The following CDH23 variants were observed in gnomAD, a reference collection of about 807,000 sequenced individuals.
CDH23 encodes the protein cadherin related 23, also known as cadherin-23.
A neutral mutation model predicts 317.1 loss-of-function variants in CDH23; 189 were observed. The ratio of observed to expected loss-of-function variants is 0.60; its 90% CI spans 0.53 to 0.67. The LOEUF (loss-of-function observed/expected upper bound fraction) is 0.67. CDH23 is among the 30% of genes least tolerant of loss of function. CDH23 has a pLI of 0.00. For synonymous variants in CDH23, 1,839 were observed against 1,876.8 expected (o/e 0.98, Z 0.52); for missense variants, 4,401 against 4,592.4 (o/e 0.96, Z 1.20).
intron 41 of CDH23, among the ~76,000 whole-genome samples, chr10:71,782,080 C>T (rs1480455795): frequency 6.6e-6 from 1 of 152,224 alleles, no homozygotes; most frequent in African/African-American, 2.4e-5. Flanking sequence ...CAGCCTGAGG[C>T]TGGAAGGCTG....
At chr10:71,806,351 C>T (rs1841723044) in intron 57 of CDH23, 70 bp downstream of exon 57, 1 of 1,023,788 alleles carries the variant, frequency 9.8e-7, no homozygotes, top group African/African-American at 1.6e-5. Context: ...CACACACTCT[C>T]CTATATACAC....
intron 6 of CDH23, among the ~76,000 whole-genome samples, chr10:71,541,579 A>C (rs1264497309): frequency 6.6e-6 from 1 of 152,266 alleles, no homozygotes; most frequent in African/African-American, 2.4e-5. Flanking sequence ...ATGTGTGGCT[A>C]GAGAACTTCC....
intron 1 of CDH23, among the ~76,000 whole-genome samples, chr10:71,425,232 GGAGAGAGA>G (rs748338206): frequency 0.041 from 3,011 of 73,862 alleles, 201 homozygotes; most frequent in African/African-American, 0.13. Context: ...AGAGAGAGAG[GGAGAGAGA>G]GAGAGAGAGA....
chr10:71,735,381 A>G (rs1839535097), intron 34 of CDH23, among the ~76,000 whole-genome samples: 1 of 152,126 alleles, frequency 6.6e-6, no homozygotes, highest in Admixed American at 6.5e-5. Context: ...ACGTTCCTAG[A>G]AGAGGCGGCC....
chr10:71,815,343 G>A lies in CDH23; in HGVS notation c.*65G>A, dbSNP rs781046803. Reference sequence around the variant, plus strand: ...CACCGTCCCCTCCCAGGGAGCAAGGGCAGGGACAGGGCCGGTCGGGGGGGA... The same window carrying A: ...CACCGTCCCCTCCCAGGGAGCAAGGACAGGGACAGGGCCGGTCGGGGGGGA... On this transcript the variant is annotated 3_prime_UTR_variant, in exon 70 of 70. Coordinates refer to ENST00000224721, the MANE Select transcript of CDH23 (RefSeq NM_022124.6). The A allele has an allele frequency of 3.0e-5, 43 of 1,439,280 alleles. No homozygotes were observed. The highest frequency in any genetic ancestry group is 3.8e-5 in the Non-Finnish European group (41 of 1,075,832). The allele number at this position is 1,439,280 out of a possible 1,614,324, so 89.2% of individuals were successfully genotyped here.
chr10:71,673,869 G>A (rs760569513), intron 14 of CDH23, among the ~76,000 whole-genome samples: 6 of 152,216 alleles, frequency 3.9e-5, no homozygotes, highest in South Asian at 2.1e-4. Flanking sequence ...GAGAGGCCCC[G>A]TCCAGGAGCC....
At chr10:71,808,152 C>G (rs902455212) in intron 60 of CDH23, 145 bp downstream of exon 60, 1 of 960,910 alleles carries the variant, frequency 1.0e-6, no homozygotes, top group Non-Finnish European at 1.6e-6. Context: ...TATTCATCCA[C>G]CTATTCAGCA....
At chr10:71,695,959 C>A (rs1329095386) in intron 22 of CDH23, among the ~76,000 whole-genome samples, 1 of 152,256 alleles carries the variant, frequency 6.6e-6, no homozygotes, top group Non-Finnish European at 1.5e-5. Flanking sequence ...TCACCTCCCC[C>A]ACGGGCTGGC....
At chr10:71,778,860 C>T (rs1040529370) in intron 40 of CDH23, among the ~76,000 whole-genome samples, 2 of 152,120 alleles carry the variant, frequency 1.3e-5, no homozygotes, top group Non-Finnish European at 2.9e-5. Flanking sequence ...GACTCAAGAG[C>T]AATCCTCCCA....
Position 71,665,623 on chromosome 10 carries a change from G to A in CDH23, c.1450-9489G>A, listed in dbSNP as rs116333115. Among the ~76,000 whole-genome samples, 283 of 152,246 alleles carry A rather than the reference G, an allele frequency of 1.9e-3. 2 individuals carry two copies. The highest frequency in any genetic ancestry group is 6.4e-3 in the African/African-American group (265 of 41,532). ...CAGGAGCAGAGGGCAGTGTGTGGGCGAGGTGAGGAGGCTGCTTGAGGATGG... is the reference window on the plus strand; with the variant it reads ...CAGGAGCAGAGGGCAGTGTGTGGGCAAGGTGAGGAGGCTGCTTGAGGATGG... On this transcript the variant is annotated intron_variant, in intron 14 of 69. Transcript: ENST00000224721.
At chr10:71,545,103 A>C (rs1856200186) in intron 6 of CDH23, among the ~76,000 whole-genome samples, 1 of 152,230 alleles carries the variant, frequency 6.6e-6, no homozygotes, top group South Asian at 2.1e-4. Flanking sequence ...TTAGGCCAGA[A>C]GCACCAGATG....
At chr10:71,403,984 C>T (rs555304772) in intron 1 of CDH23, among the ~76,000 whole-genome samples, 5 of 152,144 alleles carry the variant, frequency 3.3e-5, no homozygotes, top group South Asian at 2.1e-4. Context: ...CCCAGTTTTT[C>T]GGAAAACTGA....
chr10:71,652,499 CA>C (rs955567053), intron 14 of CDH23, among the ~76,000 whole-genome samples: 1 of 152,240 alleles, frequency 6.6e-6, no homozygotes. Context: ...CACTGGCCTT[CA>C]GGGTCTCACC....
intron 14 of CDH23, among the ~76,000 whole-genome samples, chr10:71,667,998 C>G (rs957585616): frequency 6.6e-6 from 1 of 152,140 alleles, no homozygotes; most frequent in African/African-American, 2.4e-5. Context: ...TTGGGCCACA[C>G]AGCTCCCTCC....
At chr10:71,441,316 C>T (rs773453135) in intron 2 of CDH23, among the ~76,000 whole-genome samples, 4 of 152,156 alleles carry the variant, frequency 2.6e-5, no homozygotes, top group Non-Finnish European at 5.9e-5. Flanking sequence ...TCCATGTTCG[C>T]TGCACGGTGG....
At chr10:71,713,667 G>A (rs917981115) in intron 28 of CDH23, 21 of 239,324 alleles carry the variant, frequency 8.8e-5, no homozygotes, top group Non-Finnish European at 1.3e-4. Context: ...GGGTTCTCTC[G>A]ATCAGGGCCT....
At chr10:71,707,212 C>T (rs1234265439) in intron 26 of CDH23, 163 bp downstream of exon 26, 2 of 1,493,850 alleles carry the variant, frequency 1.3e-6, no homozygotes, top group Non-Finnish European at 8.9e-7. Context: ...AGGATTTGCT[C>T]CTGGCTCTTC....
intron 3 of CDH23, among the ~76,000 whole-genome samples, chr10:71,460,292 C>CA (rs1156593172): frequency 6.6e-6 from 1 of 152,236 alleles, no homozygotes; most frequent in Non-Finnish European, 1.5e-5. Flanking sequence ...GTGGACAGGG[C>CA]ACAAGATCCT....
At chr10:71,793,059 AAG>A in intron 47 of CDH23, 121 bp from the exon 48 acceptor site, 2 of 666,444 alleles carry the variant, frequency 3.0e-6, no homozygotes, top group South Asian at 4.8e-5. Context: ...AAAGGTATAA[AAG>A]AAAATGCTGT....
Sources: gnomAD v4.1 joint callset for allele counts (sites outside exome capture counted in the v4.1 genomes callset) on GRCh38, gnomAD v4.1.1 for gene constraint, MANE v1.5 for transcripts, NCBI Gene and HGNC (gene_info 2026-07-23, HGNC 2026-07-21) for gene names.